Variants in DUSP11 observed in about 807,000 individuals in gnomAD.
DUSP11 encodes the protein RNA/RNP complex-1-interacting phosphatase.
In DUSP11, 27 loss-of-function variants were observed where a neutral mutation model predicts 41.4. The observed-to-expected ratio is 0.65, with a 90% CI of 0.48 to 0.90. DUSP11 has a LOEUF of 0.90. Among genes scored for constraint, DUSP11 ranks in the 40% least tolerant of loss-of-function variants. The probability of loss-of-function intolerance (pLI) is 0.00; values close to 1 mark genes in which losing one functional copy is unlikely to be tolerated. For missense variants in DUSP11, 465 were observed against 461.1 expected (o/e 1.01, Z -0.08); for synonymous variants, 188 against 159.3 (o/e 1.18, Z -1.35).
chr2:73,763,382 T>A (rs961614031), intron 8 of DUSP11, among the ~76,000 whole-genome samples: 1 of 152,214 alleles, frequency 6.6e-6, no homozygotes, highest in African/African-American at 2.4e-5. Flanking sequence ...AGGATTTAAA[T>A]TAACTTGTTT....
At chr2:73,763,771 C>T (rs1286721439) in intron 8 of DUSP11, among the ~76,000 whole-genome samples, 1 of 152,080 alleles carries the variant, frequency 6.6e-6, no homozygotes, top group Non-Finnish European at 1.5e-5. Flanking sequence ...AGAAAAACCC[C>T]CCACTGCAGA....
At chr2:73,778,954 C>A (rs1347642364) in intron 1 of DUSP11, among the ~76,000 whole-genome samples, 4 of 152,036 alleles carry the variant, frequency 2.6e-5, no homozygotes, top group African/African-American at 9.7e-5. Flanking sequence ...TCGAGACCAG[C>A]CTGACCCACA....
intron 2 of DUSP11, among the ~76,000 whole-genome samples, chr2:73,776,396 C>A (rs1278505713): frequency 1.6e-5 from 2 of 124,208 alleles, no homozygotes; most frequent in African/African-American, 6.0e-5. Context: ...GCCTGGGCGA[C>A]AAGCGAGACA....
Position 73,766,405 on chromosome 2 carries a change from C to G in DUSP11, c.935+13G>C, listed in dbSNP as rs777489945. On this transcript the variant is annotated intron_variant, in intron 8 of 8. Transcript: ENST00000272444. The stretch of plus-strand genomic sequence containing the variant: ...TATCTCAATTCTAGAAAAGGGAAAA[C>G]AGAGAGAGGTACCTGACTGATTGTT... 1.1e-5 allele frequency: 18 copies of G among 1,590,904 alleles called. No individual in the cohort carries two copies. Among genetic ancestry groups the G allele is most frequent in the Middle Eastern group, 1.7e-4 (1 of 5,942 alleles).
At chr2:73,772,698 C>A (rs1402465529) in intron 4 of DUSP11, among the ~76,000 whole-genome samples, 1 of 152,112 alleles carries the variant, frequency 6.6e-6, no homozygotes, top group Non-Finnish European at 1.5e-5. Flanking sequence ...GAAAGCCAAA[C>A]CTCTCAAGTT....
intron 2 of DUSP11, among the ~76,000 whole-genome samples, chr2:73,777,032 G>A (rs1478677761): frequency 1.3e-5 from 2 of 152,102 alleles, no homozygotes; most frequent in East Asian, 3.8e-4. Flanking sequence ...CCAGGCTGGA[G>A]TACAGTGGCA....
intron 5 of DUSP11, chr2:73,767,520 T>C (rs1573178199): frequency 4.7e-6 from 1 of 211,596 alleles, no homozygotes; most frequent in East Asian, 1.1e-4. Flanking sequence ...AAATAGAGAC[T>C]TCCTTAATAT....
chr2:73,767,068 A>G (rs1672479512), intron 6 of DUSP11, 93 bp downstream of exon 6: 2 of 1,393,474 alleles, frequency 1.4e-6, no homozygotes, highest in Non-Finnish European at 2.0e-6. Flanking sequence ...AACGAATTAC[A>G]AACTTCTTTT....
At chr2:73,771,807 G>C (rs1672585391) in intron 4 of DUSP11, among the ~76,000 whole-genome samples, 1 of 126,716 alleles carries the variant, frequency 7.9e-6, no homozygotes, top group Non-Finnish European at 1.6e-5. Context: ...CGGCTTTTTT[G>C]TTCTATAATT....
intron 3 of DUSP11, 29 bp from the exon 4 acceptor site, chr2:73,773,952 A>G: frequency 6.6e-7 from 1 of 1,525,594 alleles, no homozygotes; most frequent in South Asian, 1.3e-5. Context: ...AAAGATGTGT[A>G]TTATTTCACT....
In DUSP11 at chr2:73,763,734, A is replaced by AAAAAGAAAC. The variant is rs199747152; in HGVS notation, c.936-876_936-875insGTTTCTTTT. Among the ~76,000 whole-genome samples, 835 of 152,274 alleles carry AAAAAGAAAC rather than the reference A, an allele frequency of 5.5e-3. 13 individuals carry two copies. Among genetic ancestry groups the AAAAAGAAAC allele is most frequent in the African/African-American group, 0.019 (787 of 41,542 alleles). On this transcript the variant is annotated intron_variant, in intron 8 of 8. Coordinates refer to ENST00000272444, the Ensembl canonical transcript of DUSP11. ...GCAAAACTCCATCTTACAAAAAAAA[A>AAAAAGAAAC]TAAAGAAACTTTGGAAATATGAGAA... is the stretch of plus-strand genomic sequence containing the variant.
chr2:73,772,538 T>C lies in DUSP11; in HGVS notation c.574+1262A>G, dbSNP rs78699503. On this transcript the variant is annotated intron_variant, in intron 4 of 8. Coordinates refer to ENST00000272444, the Ensembl canonical transcript of DUSP11. ...TAAGATTTAAAAATGTGTTCTCATG[T>C]ATTCATAAGGACCTCCTAGCCCTCA... Among the ~76,000 whole-genome samples the C allele has an allele frequency of 2.7e-4, 41 of 152,356 alleles. 1 individual carries two copies. The East Asian group carries it at 7.9e-3, about 29-fold the overall frequency.
At chr2:73,773,996 C>A in intron 3 of DUSP11, 73 bp from the exon 4 acceptor site, 1 of 1,268,336 alleles carries the variant, frequency 7.9e-7, no homozygotes, top group South Asian at 1.7e-5. Flanking sequence ...ATTAGGGGAC[C>A]CAGAATATAA....
chr2:73,776,751 A>T (rs1262345846), intron 2 of DUSP11, among the ~76,000 whole-genome samples: 1 of 149,808 alleles, frequency 6.7e-6, no homozygotes, highest in Non-Finnish European at 1.5e-5. Context: ...AGCCTGTTTG[A>T]TTATCTACAA....
rs184102477 is a variant in DUSP11, at chr2:73,765,838, A to G, written c.935+580T>C. ...CATTAATGTAGCCTAAGAATATAAG[A>G]TCCTTTTTGATAGCCACATCAAACT... On this transcript the variant is annotated intron_variant, in intron 8 of 8. Transcript: ENST00000272444. 3.0e-3 allele frequency among the ~76,000 whole-genome samples: 459 copies of G among 152,332 alleles called. 4 individuals carry two copies. Among genetic ancestry groups the G allele is most frequent in the Non-Finnish European group, 5.8e-3 (392 of 68,036 alleles).
intron 8 of DUSP11, among the ~76,000 whole-genome samples, chr2:73,764,273 A>T (rs77206015): frequency 0.036 from 5,417 of 152,208 alleles, 134 homozygotes; most frequent in Non-Finnish European, 0.056. Context: ...ATCTTTTAAA[A>T]ATGTCAATTT....
chr2:73,775,133 C>A, intron 2 of DUSP11, 89 bp from the exon 3 acceptor site: 1 of 1,095,320 alleles, frequency 9.1e-7, no homozygotes. Context: ...TGCTAACATA[C>A]AACGAGATTC....
chr2:73,776,536 C>A lies in DUSP11; in HGVS notation c.319-1492G>T, dbSNP rs554871044. ...CTTCCCCAACCCACCCAGACTCCCCCACTATCCACATTCCATACCAGTGTG... is the reference window on the plus strand; with the variant it reads ...CTTCCCCAACCCACCCAGACTCCCCAACTATCCACATTCCATACCAGTGTG... On this transcript the variant is annotated intron_variant, in intron 2 of 8. Coordinates refer to ENST00000272444, the Ensembl canonical transcript of DUSP11. Among the ~76,000 whole-genome samples, 3 of 152,166 alleles carry A rather than the reference C, an allele frequency of 2.0e-5. 1 individual carries two copies. Among genetic ancestry groups the A allele is most frequent in the South Asian group, 4.1e-4 (2 of 4,830 alleles).
At chr2:73,762,581 G>T in exon 9 of DUSP11, 1 of 1,113,840 alleles carries the variant, frequency 9.0e-7, no homozygotes, top group South Asian at 1.6e-5. Context: ...AACCTGATTA[G>T]ACCTGAACTA....
Sources: gnomAD v4.1 joint callset for allele counts (sites outside exome capture counted in the v4.1 genomes callset) on GRCh38, gnomAD v4.1.1 for gene constraint, MANE v1.5 for transcripts, NCBI Gene and HGNC (gene_info 2026-07-23, HGNC 2026-07-21) for gene names.